The following SNX4 variants were observed in gnomAD, a reference collection of about 807,000 sequenced individuals.
SNX4 encodes sorting nexin-4.
In SNX4, 49 loss-of-function variants were observed where a neutral mutation model predicts 70.8. The ratio of observed to expected loss-of-function variants is 0.69; its 90% confidence interval spans 0.55 to 0.88. SNX4 has a LOEUF of 0.88. Ranked by LOEUF, SNX4 falls within the 40% of genes least tolerant of loss-of-function variation. SNX4 has a pLI of 0.00. For synonymous variants in SNX4, 206 were observed against 183.8 expected, an observed-to-expected ratio of 1.12 and a Z score of -0.98; for missense variants, 528 against 544.8, an observed-to-expected ratio of 0.97 and a Z score of 0.31.
chr3:125,476,423 T>C (rs1168452350), intron 8 of SNX4, among the ~76,000 whole-genome samples: 2 of 151,512 alleles, frequency 1.3e-5, no homozygotes, highest in African/African-American at 4.9e-5. Flanking sequence ...AATACAAAAT[T>C]AGCCCAGTGT....
At chr3:125,477,473 C>T (rs1934312963) in intron 7 of SNX4, among the ~76,000 whole-genome samples, 1 of 152,092 alleles carries the variant, frequency 6.6e-6, no homozygotes, top group Non-Finnish European at 1.5e-5. Context: ...TACGTTCCCC[C>T]AAAGCATTAT....
At position 125,469,807 on chromosome 3, in the gene SNX4, C is replaced by G. The variant is rs72977732; in HGVS notation, c.789-288G>C. ...TCTCAGTTAGGCGGCTGATTTAAAT[C>G]ATTTGTAAAGCTTTTAAAAAATACG... is the stretch of plus-strand genomic sequence containing the variant. On this transcript the variant is annotated intron_variant, in intron 8 of 13. Coordinates refer to ENST00000251775, the MANE Select transcript of SNX4 (RefSeq NM_003794.4). 7.0e-3 allele frequency among the ~76,000 whole-genome samples: 1,054 copies of G among 151,574 alleles called. 7 individuals carry two copies. Among genetic ancestry groups the G allele is most frequent in the African/African-American group, 0.021 (851 of 40,950 alleles).
At chr3:125,506,196 TCAA>T (rs1415409245) in intron 1 of SNX4, among the ~76,000 whole-genome samples, 8 of 151,904 alleles carry the variant, frequency 5.3e-5, no homozygotes, top group East Asian at 3.9e-4. Flanking sequence ...TGCCTAGTTT[TCAA>T]CAACAACAAA....
chr3:125,485,148 A>T (rs1481011730), intron 6 of SNX4, among the ~76,000 whole-genome samples: 1 of 152,070 alleles, frequency 6.6e-6, no homozygotes, highest in Admixed American at 6.5e-5. Flanking sequence ...TGGGAGGCTG[A>T]GATGGGAGGA....
chr3:125,448,669 CTTT>C (rs921502028), intron 13 of SNX4, among the ~76,000 whole-genome samples: 1 of 95,370 alleles, frequency 1.0e-5, no homozygotes, highest in Non-Finnish European at 2.0e-5. Flanking sequence ...GGGTTTTTTC[CTTT>C]TTTTTTTTTT....
chr3:125,461,309 G>A (rs74541185), intron 9 of SNX4, among the ~76,000 whole-genome samples: 5,772 of 152,324 alleles, frequency 0.038, 249 homozygotes, highest in African/African-American at 0.092. Flanking sequence ...CAGTGATGTT[G>A]TAAGTACAGA....
chr3:125,514,170 A>G (rs1017802119), intron 1 of SNX4, among the ~76,000 whole-genome samples: 16 of 152,178 alleles, frequency 1.1e-4, no homozygotes, highest in African/African-American at 3.4e-4. Context: ...TTGGGGAGAC[A>G]GAAACATTCA....
intron 6 of SNX4, among the ~76,000 whole-genome samples, chr3:125,485,178 C>T (rs776537439): frequency 2.0e-5 from 3 of 151,902 alleles, no homozygotes; most frequent in Non-Finnish European, 4.4e-5. Context: ...CCTGGGAGGT[C>T]GAGGCTGCAG....
intron 8 of SNX4, among the ~76,000 whole-genome samples, chr3:125,472,099 A>T (rs1934189822): frequency 6.6e-6 from 1 of 152,086 alleles, no homozygotes; most frequent in South Asian, 2.1e-4. Flanking sequence ...TTTTCTAGTC[A>T]CAGCTCAGTC....
At chr3:125,497,301 C>T (rs769533814) in intron 5 of SNX4, 40 bp downstream of exon 5, 164 of 1,396,266 alleles carry the variant, frequency 1.2e-4, no homozygotes, top group Middle Eastern at 1.8e-4. Flanking sequence ...ATGCTGGGAA[C>T]TGTAAAGGAA....
chr3:125,483,820 T>C (rs1278472733), intron 6 of SNX4, among the ~76,000 whole-genome samples: 1 of 152,234 alleles, frequency 6.6e-6, no homozygotes, highest in Admixed American at 6.5e-5. Context: ...TAACAATGTA[T>C]GTTTAAGAAA....
chr3:125,509,433 A>G (rs1350557478), intron 1 of SNX4, among the ~76,000 whole-genome samples: 1 of 151,926 alleles, frequency 6.6e-6, no homozygotes, highest in African/African-American at 2.4e-5. Flanking sequence ...CTATTTAGAG[A>G]ACTCCCAAAA....
rs1559808226 is a variant in SNX4, at chr3:125,453,805, T to C, written c.1190+5A>G. ...TAGCTTACTTAAACATCGCAGCATC[T>C]TTACCTGCCTTCCAGATTTTTAGAC... On this transcript the variant is annotated splice_donor_5th_base_variant and intron_variant, in intron 12 of 13. Transcript: ENST00000251775. 6.2e-7 allele frequency: 1 copy of C among 1,613,674 alleles called. No individual in the cohort carries two copies. The highest frequency in any genetic ancestry group is 8.5e-7 in the Non-Finnish European group (1 of 1,179,776).
At chr3:125,495,684 A>G (rs1346339825) in intron 5 of SNX4, among the ~76,000 whole-genome samples, 2 of 152,222 alleles carry the variant, frequency 1.3e-5, no homozygotes, top group East Asian at 3.9e-4. Context: ...GTTTTCTCAG[A>G]ATCACTAAAG....
intron 8 of SNX4, among the ~76,000 whole-genome samples, chr3:125,474,765 TC>T (rs1449966304): frequency 6.6e-6 from 1 of 152,244 alleles, no homozygotes; most frequent in East Asian, 1.9e-4. Flanking sequence ...TCTACCTGCC[TC>T]TCAAATTAAT....
intron 8 of SNX4, among the ~76,000 whole-genome samples, chr3:125,471,344 CAAAAAAAAAA>C (rs767432586): frequency 1.8e-4 from 5 of 28,160 alleles, no homozygotes; most frequent in East Asian, 1.1e-3. Context: ...AGCTCCATCT[CAAAAAAAAAA>C]AAAAAAAAAA....
chr3:125,516,300 G>C (rs1028851800), intron 1 of SNX4, among the ~76,000 whole-genome samples: 1 of 151,960 alleles, frequency 6.6e-6, no homozygotes, highest in African/African-American at 2.4e-5. Flanking sequence ...CCTTCTGCTC[G>C]GGCTAATTAC....
intron 1 of SNX4, chr3:125,517,083 T>TA (rs1250577452): frequency 1.7e-4 from 26 of 152,176 alleles, no homozygotes; most frequent in Non-Finnish European, 3.2e-4. Flanking sequence ...TTGACTAGTC[T>TA]AAAAAAATTA....
intron 5 of SNX4, among the ~76,000 whole-genome samples, chr3:125,490,366 CAAA>C (rs1934625781): frequency 6.7e-6 from 1 of 149,700 alleles, no homozygotes; most frequent in African/African-American, 2.5e-5. Context: ...ACTAAAAATA[CAAA>C]AAATTAGCCA....
Sources: allele counts gnomAD v4.1 joint callset (sites outside exome capture counted in the v4.1 genomes callset), GRCh38; gene constraint gnomAD v4.1.1; transcripts MANE v1.5; gene names NCBI Gene and HGNC (gene_info 2026-07-23, HGNC 2026-07-21).